CCSER1: variants seen among roughly 807,000 people sequenced by gnomAD.
The protein encoded by CCSER1 is serine-rich coiled-coil domain-containing protein 1.
In CCSER1, 41 loss-of-function variants were observed where a neutral mutation model predicts 82.0. The ratio of observed to expected loss-of-function variants is 0.50; its 90% CI spans 0.39 to 0.65. The LOEUF (loss-of-function observed/expected upper bound fraction) is 0.65. Among genes scored for constraint, CCSER1 ranks in the 30% least tolerant of loss-of-function variants. CCSER1 has a pLI of 0.00. For missense variants in CCSER1, 1,119 were observed against 1,064.2 expected, an observed-to-expected ratio of 1.05 and a Z score of -0.72; for synonymous variants, 414 against 383.9, an observed-to-expected ratio of 1.08 and a Z score of -0.92.
chr4:91,397,236 C>A (rs1578357608), intron 10 of CCSER1, among the ~76,000 whole-genome samples: 1 of 151,936 alleles, frequency 6.6e-6, no homozygotes, highest in East Asian at 1.9e-4. Flanking sequence ...AATTCTGTGC[C>A]AGTTACATGA....
chr4:91,271,094 C>G (rs933057674), intron 10 of CCSER1, among the ~76,000 whole-genome samples: 1 of 151,794 alleles, frequency 6.6e-6, no homozygotes, highest in Non-Finnish European at 1.5e-5. Context: ...TGTTTTAATT[C>G]ATTGTCTTAA....
chr4:90,422,481 G>A (rs1181337087), intron 4 of CCSER1, among the ~76,000 whole-genome samples: 1 of 152,062 alleles, frequency 6.6e-6, no homozygotes, highest in Admixed American at 6.5e-5. Flanking sequence ...TGTAGTCCCA[G>A]CCAGTTGGGA....
At chr4:91,396,182 T>A (rs2149354866) in intron 10 of CCSER1, among the ~76,000 whole-genome samples, 1 of 152,258 alleles carries the variant, frequency 6.6e-6, no homozygotes, top group East Asian at 1.9e-4. Flanking sequence ...TTGACCTGTT[T>A]TCTCTGTTAC....
chr4:90,404,625 A>G (rs1220224377), intron 4 of CCSER1, among the ~76,000 whole-genome samples: 3 of 152,110 alleles, frequency 2.0e-5, no homozygotes, highest in Non-Finnish European at 4.4e-5. Flanking sequence ...CTCCCCTGCT[A>G]CCTCCACCAG....
intron 8 of CCSER1, among the ~76,000 whole-genome samples, chr4:90,817,595 T>C (rs1409373667): frequency 1.3e-5 from 2 of 152,104 alleles, no homozygotes; most frequent in Admixed American, 1.3e-4. Context: ...TTTTGTGCTA[T>C]TGTAGTTTCC....
At chr4:90,394,563 A>G (rs554829949) in intron 3 of CCSER1, among the ~76,000 whole-genome samples, 2 of 152,276 alleles carry the variant, frequency 1.3e-5, no homozygotes, top group East Asian at 3.9e-4. Context: ...AACTCTTCTA[A>G]AAATAGCTAC....
chr4:90,812,243 G>GC (rs978579040), intron 7 of CCSER1, among the ~76,000 whole-genome samples: 27 of 152,016 alleles, frequency 1.8e-4, no homozygotes, highest in Middle Eastern at 6.8e-3. Flanking sequence ...ATTAGATTGT[G>GC]CCCCCCCAGA....
intron 10 of CCSER1, among the ~76,000 whole-genome samples, chr4:91,382,901 A>T (rs1751020628): frequency 6.6e-6 from 1 of 152,122 alleles, no homozygotes; most frequent in African/African-American, 2.4e-5. Context: ...ACTAGCAGCA[A>T]CCACAGCCCT....
intron 5 of CCSER1, among the ~76,000 whole-genome samples, chr4:90,599,581 C>G (rs976112673): frequency 5.3e-5 from 8 of 152,282 alleles, no homozygotes; most frequent in African/African-American, 1.9e-4. Flanking sequence ...ACTTGCCTTT[C>G]TCTATCTGGA....
chr4:91,344,642 C>T (rs1267701410), intron 10 of CCSER1, among the ~76,000 whole-genome samples: 2 of 127,622 alleles, frequency 1.6e-5, no homozygotes, highest in Non-Finnish European at 3.3e-5. Flanking sequence ...TTGGAGTCTA[C>T]AAAGGAAAAA....
At chr4:90,977,759 T>C (rs1286042385) in intron 9 of CCSER1, among the ~76,000 whole-genome samples, 1 of 151,674 alleles carries the variant, frequency 6.6e-6, no homozygotes, top group African/African-American at 2.4e-5. Flanking sequence ...ACTCATTTCA[T>C]TGTCAGTTCT....
chr4:90,495,839 G>A (rs984400581), intron 5 of CCSER1, among the ~76,000 whole-genome samples: 1 of 152,234 alleles, frequency 6.6e-6, no homozygotes, highest in African/African-American at 2.4e-5. Context: ...TCAGGCCCCT[G>A]CAGCAATGCA....
intron 10 of CCSER1, among the ~76,000 whole-genome samples, chr4:91,361,418 T>C (rs1560612052): frequency 6.6e-6 from 1 of 151,892 alleles, no homozygotes; most frequent in Non-Finnish European, 1.5e-5. Context: ...AAATTTTTTT[T>C]GGACACAGAA....
intron 4 of CCSER1, among the ~76,000 whole-genome samples, chr4:90,442,571 G>A (rs1208769841): frequency 6.6e-6 from 1 of 152,136 alleles, no homozygotes; most frequent in Non-Finnish European, 1.5e-5. Flanking sequence ...GAGTTAAATT[G>A]GAGAACTTGA....
chr4:90,711,472 A>T (rs551102626), intron 6 of CCSER1, among the ~76,000 whole-genome samples: 1 of 152,132 alleles, frequency 6.6e-6, no homozygotes, highest in South Asian at 2.1e-4. Flanking sequence ...TGGATTTGTC[A>T]TATGTGGCTT....
chr4:90,413,255 A>T (rs939142735), intron 4 of CCSER1, among the ~76,000 whole-genome samples: 13 of 152,318 alleles, frequency 8.5e-5, no homozygotes, highest in Middle Eastern at 3.4e-3. Flanking sequence ...GACATGAAAG[A>T]CCTCTACAAG....
At chr4:91,196,863 A>T (rs1211632810) in intron 10 of CCSER1, among the ~76,000 whole-genome samples, 1 of 152,212 alleles carries the variant, frequency 6.6e-6, no homozygotes, top group Admixed American at 6.5e-5. Flanking sequence ...ACTGCCTATC[A>T]CTATTCTACA....
At chr4:91,317,342 TC>T (rs1462717067) in intron 10 of CCSER1, among the ~76,000 whole-genome samples, 1 of 151,888 alleles carries the variant, frequency 6.6e-6, no homozygotes, top group Non-Finnish European at 1.5e-5. Context: ...CCTCCAGATA[TC>T]CCGAGGGCTA....
chr4:90,936,113 C>A (rs1730900217), intron 9 of CCSER1, among the ~76,000 whole-genome samples: 1 of 151,766 alleles, frequency 6.6e-6, no homozygotes, highest in African/African-American at 2.4e-5. Context: ...CTATTCAAAT[C>A]TACTTTCTTA....
Sources: gnomAD v4.1 joint callset for allele counts (sites outside exome capture counted in the v4.1 genomes callset) on GRCh38, gnomAD v4.1.1 for gene constraint, MANE v1.5 for transcripts, NCBI Gene and HGNC (gene_info 2026-07-23, HGNC 2026-07-21) for gene names.